The following SERPING1 variants were observed in gnomAD, a reference collection of about 807,000 sequenced individuals.
SERPING1 encodes plasma protease C1 inhibitor.
A neutral mutation model predicts 34.1 loss-of-function variants in SERPING1; 5 were observed. The observed-to-expected ratio is 0.15, with a 90% CI of 0.08 to 0.31. SERPING1 has a LOEUF of 0.31. SERPING1 is among the 10% of genes least tolerant of loss of function. The pLI, the probability that SERPING1 is intolerant of heterozygous loss-of-function variation, is 1.00. For missense variants in SERPING1, 505 were observed against 609.5 expected (o/e 0.83, Z 1.81); for synonymous variants, 225 against 242.4 (o/e 0.93, Z 0.67).
chr11:57,598,262 G>C lies in SERPING1; in HGVS notation c.-9G>C, dbSNP rs1945310090. On this transcript the variant is annotated 5_prime_UTR_variant, in exon 2 of 8. Transcript: ENST00000278407. ...CTGGCTCCGCAGGTCCGCTGACGTCGCCGCCCAGATGGCCTCCAGGCTGAC... is the reference window on the plus strand; with the variant it reads ...CTGGCTCCGCAGGTCCGCTGACGTCCCCGCCCAGATGGCCTCCAGGCTGAC... 1.3e-6 allele frequency: 2 copies of C among 1,549,720 alleles called. No individual in the cohort carries two copies. The highest frequency in any genetic ancestry group is 2.7e-5 in the African/African-American group (2 of 73,184).
Position 57,600,091 on chromosome 11 carries a change from ACAACCCACCACAGAGCCCACCACC to A in SERPING1, c.275_298del (p.Thr92_Thr99del), listed in dbSNP as rs1224894724. 5.0e-6 allele frequency: 8 copies of A among 1,613,524 alleles called. No homozygotes were observed. Among genetic ancestry groups the A allele is most frequent in the Non-Finnish European group, 5.1e-6 (6 of 1,179,670 alleles). ...CTAATACCACTGATGAACCCACCAC[ACAACCCACCACAGAGCCCACCACC>A]CAACCCACCATCCAACCCACCCAAC... On this transcript the variant is annotated inframe_deletion, in exon 3 of 8. Transcript: ENST00000278407.
At chr11:57,604,734 G>T (rs577829830) in intron 4 of SERPING1, among the ~76,000 whole-genome samples, 2 of 151,332 alleles carry the variant, frequency 1.3e-5, no homozygotes, top group African/African-American at 4.9e-5. Flanking sequence ...CTTAGGTCTG[G>T]CTCAGTGTGC....
In SERPING1 at chr11:57,599,939, C is replaced by A. The variant is rs777672189; in HGVS notation, c.112C>A (p.Gln38Lys). ...SSSSQDPESL[Q>K]DRGEGKVATT... ...CAGCTCCCAGGATCCAGAGAGTTTGCAAGACAGAGGCGAAGGGAAGGTCGC... is the reference window on the plus strand; with the variant it reads ...CAGCTCCCAGGATCCAGAGAGTTTGAAAGACAGAGGCGAAGGGAAGGTCGC... The change falls in exon 3 of 8, where the codon CAA becomes AAA. Residue 38 changes from glutamine (Q) to lysine (K), a missense_variant. By Grantham distance (53) the Gln-to-Lys change is moderately conservative. Coordinates refer to ENST00000278407, the MANE Select transcript of SERPING1 (RefSeq NM_000062.3). The A allele has an allele frequency of 6.2e-7, 1 of 1,614,156 alleles. No individual in the cohort carries two copies. The highest frequency in any genetic ancestry group is 1.7e-5 in the Admixed American group (1 of 60,016).
At chr11:57,602,777 C>CA (rs1302503923) in intron 4 of SERPING1, among the ~76,000 whole-genome samples, 366 of 85,614 alleles carry the variant, frequency 4.3e-3, no homozygotes, top group South Asian at 0.022. Context: ...AAAAACAAAA[C>CA]AAAAACAAAA....
rs1377978934 is a variant in SERPING1 at position 57,602,114 on chromosome 11, G to C, written c.630G>C (p.Leu210=). ...ACTTCACCTGTGTCCACCAGGCCCT[G>C]AAGGGCTTCACGACCAAAGGTGTCA... is the stretch of plus-strand genomic sequence containing the variant. ...PKDFTCVHQA[L]KGFTTKGVTS... is the part of the protein sequence containing the mutation. Residue 210 remains leucine (L), a synonymous_variant, in exon 4 of 8, where the codon CTG becomes CTC. Transcript: ENST00000278407. The C allele has an allele frequency of 1.2e-6, 2 of 1,614,066 alleles. No homozygotes were observed. The highest frequency in any genetic ancestry group is 1.7e-6 in the Non-Finnish European group (2 of 1,180,058).
chr11:57,612,032 T>A, intron 7 of SERPING1, 96 bp downstream of exon 7: 2 of 1,053,114 alleles, frequency 1.9e-6, no homozygotes, highest in Admixed American at 3.7e-5. Flanking sequence ...ATTTTTTACA[T>A]CCATAATCTC....
At chr11:57,598,059 G>C in intron 1 of SERPING1, 190 bp from the exon 2 acceptor site, 1 of 571,122 alleles carries the variant, frequency 1.8e-6, no homozygotes, top group East Asian at 3.0e-5. Flanking sequence ...CCGGTGCCGG[G>C]AAAGGGAAGC....
intron 4 of SERPING1, among the ~76,000 whole-genome samples, chr11:57,604,908 G>C (rs1945391725): frequency 6.6e-6 from 1 of 151,860 alleles, no homozygotes; most frequent in Non-Finnish European, 1.5e-5. Context: ...GACTGAGACG[G>C]GAGGATTGCT....
intron 4 of SERPING1, chr11:57,605,764 A>G (rs952112563): frequency 3.5e-6 from 2 of 572,952 alleles, no homozygotes; most frequent in Non-Finnish European, 6.3e-6. Flanking sequence ...TTGCCGAGCC[A>G]TAGTCACATA....
chr11:57,601,397 G>A (rs1477840594), intron 3 of SERPING1, among the ~76,000 whole-genome samples: 1 of 88,318 alleles, frequency 1.1e-5, no homozygotes, highest in African/African-American at 4.7e-5. Flanking sequence ...GCAAGACTCT[G>A]TCTCAAAAAA....
chr11:57,599,000 A>C (rs981592494), intron 2 of SERPING1, among the ~76,000 whole-genome samples: 3 of 152,006 alleles, frequency 2.0e-5, no homozygotes, highest in Non-Finnish European at 4.4e-5. Flanking sequence ...ATGAGCAGGG[A>C]GTTTGGAATC....
Sources: gnomAD v4.1 joint callset for allele counts (sites outside exome capture counted in the v4.1 genomes callset) on GRCh38, gnomAD v4.1.1 for gene constraint, MANE v1.5 for transcripts, NCBI Gene and HGNC (gene_info 2026-07-23, HGNC 2026-07-21) for gene names.